Variants in CHLSN observed in about 807,000 individuals in gnomAD.
CHLSN encodes protein cholesin.
the CHLSN span, among the ~76,000 whole-genome samples, chr7:998,636 G>C: frequency 6.6e-6 from 1 of 152,018 alleles, no homozygotes; most frequent in Non-Finnish European, 1.5e-5. Context: ...GTAGAGACGG[G>C]GTTTTTGCCA....
chr7:1,036,565 G>A, the CHLSN span, among the ~76,000 whole-genome samples: 1 of 152,144 alleles, frequency 6.6e-6, no homozygotes, highest in African/African-American at 2.4e-5. Flanking sequence ...CAGGGTGCAG[G>A]GTGTTGATAA....
At chr7:983,879 C>G in the CHLSN span, among the ~76,000 whole-genome samples, 1 of 152,348 alleles carries the variant, frequency 6.6e-6, no homozygotes, top group African/African-American at 2.4e-5. Context: ...GGACACGGCA[C>G]GGGGCAGCCT....
At chr7:1,028,868 A>G in the CHLSN span, 4 of 655,230 alleles carry the variant, frequency 6.1e-6, no homozygotes, top group African/African-American at 3.3e-5. Flanking sequence ...CATCTCCCCA[A>G]TCTGCCCCAT....
chr7:1,069,358 C>G, the CHLSN span, among the ~76,000 whole-genome samples: 3 of 114,208 alleles, frequency 2.6e-5, no homozygotes, highest in African/African-American at 3.5e-5. Context: ...TCTCCCTCTC[C>G]CCTCTCCCCT....
the CHLSN span, among the ~76,000 whole-genome samples, chr7:1,072,770 G>T: frequency 0.019 from 2,587 of 136,768 alleles, 71 homozygotes; most frequent in African/African-American, 0.068. Flanking sequence ...TGCAACCTCC[G>T]CCCCCTGGGT....
chr7:1,091,760 G>C, the CHLSN span: 1 of 1,552,706 alleles, frequency 6.4e-7, no homozygotes, highest in Non-Finnish European at 8.7e-7. Context: ...CGGGGCGTGG[G>C]CCTGGAGATG....
the CHLSN span, among the ~76,000 whole-genome samples, chr7:1,013,039 G>C: frequency 6.6e-6 from 1 of 152,226 alleles, no homozygotes; most frequent in Non-Finnish European, 1.5e-5. Flanking sequence ...GCGGCAGGTC[G>C]TGGGGAATGG....
At chr7:1,005,638 C>T in the CHLSN span, among the ~76,000 whole-genome samples, 5 of 152,244 alleles carry the variant, frequency 3.3e-5, no homozygotes, top group African/African-American at 1.2e-4. Context: ...TTGGCCTCTG[C>T]TCTGGCCTGT....
chr7:1,124,941 C>T, the CHLSN span, among the ~76,000 whole-genome samples: 1 of 152,144 alleles, frequency 6.6e-6, no homozygotes, highest in Non-Finnish European at 1.5e-5. Flanking sequence ...CTAGAGAGCC[C>T]AGGACAAGCT....
the CHLSN span, among the ~76,000 whole-genome samples, chr7:1,089,776 G>A: frequency 1.5e-5 from 2 of 134,858 alleles, no homozygotes; most frequent in Non-Finnish European, 3.1e-5. Flanking sequence ...GTCTGGTTTT[G>A]CAGCACTTCA....
At chr7:983,240 G>T in the CHLSN span, 2 of 1,528,916 alleles carry the variant, frequency 1.3e-6, no homozygotes, top group Non-Finnish European at 1.8e-6. Flanking sequence ...CTGTTCCTGG[G>T]CCTCCTGGGG....
chr7:984,470 T>A, the CHLSN span: 36 of 1,551,440 alleles, frequency 2.3e-5, no homozygotes, highest in South Asian at 4.0e-4. Context: ...AAGACGGTGG[T>A]GCTGACGGGG....
chr7:1,116,179 C>T, the CHLSN span, among the ~76,000 whole-genome samples: 118 of 128,956 alleles, frequency 9.2e-4, 1 homozygote, highest in Non-Finnish European at 1.6e-3. Context: ...CCAACGCCCA[C>T]GCAGGATGAC....
At chr7:988,169 G>A in the CHLSN span, 1 of 1,306,680 alleles carries the variant, frequency 7.7e-7, no homozygotes, top group Non-Finnish European at 1.0e-6. Flanking sequence ...GCTAACACCA[G>A]GTGTGGTGGG....
At chr7:1,022,027 T>C in the CHLSN span, among the ~76,000 whole-genome samples, 4 of 152,182 alleles carry the variant, frequency 2.6e-5, no homozygotes, top group African/African-American at 9.7e-5. Context: ...CCCACAGGCG[T>C]GGCGCCTGGG....
At chr7:1,000,625 G>C in the CHLSN span, 1 of 1,242,350 alleles carries the variant, frequency 8.0e-7, no homozygotes, top group East Asian at 2.5e-5. Flanking sequence ...CTGAGAGATC[G>C]GGGACGCCTC....
the CHLSN span, among the ~76,000 whole-genome samples, chr7:1,035,234 C>CA: frequency 1.3e-5 from 2 of 151,910 alleles, no homozygotes; most frequent in African/African-American, 4.8e-5. Flanking sequence ...TGACTGTGAA[C>CA]AGTGCTGGGC....
the CHLSN span, chr7:1,023,016 C>T: frequency 1.7e-5 from 8 of 459,484 alleles, no homozygotes; most frequent in Non-Finnish European, 2.6e-5. The surrounding 1 kb of genome is among the most constrained non-coding windows in gnomAD (Gnocchi z 5.0). Flanking sequence ...ACAGGGAGAG[C>T]GGCCGCCCCG....
the CHLSN span, among the ~76,000 whole-genome samples, chr7:1,010,895 A>G: frequency 6.6e-6 from 1 of 151,662 alleles, no homozygotes. Flanking sequence ...GACTCCGAGC[A>G]AGGCCAGGAG....
Sources: gnomAD v4.1 joint callset for allele counts (sites outside exome capture counted in the v4.1 genomes callset) on GRCh38, gnomAD v4.1.1 for gene constraint, Gnocchi (gnomAD v3.1) non-coding constraint, MANE v1.5 for transcripts, NCBI Gene and HGNC (gene_info 2026-07-23, HGNC 2026-07-21) for gene names.